The following TMC7 variants were observed in gnomAD, a reference collection of about 807,000 sequenced individuals.
TMC7 encodes the protein transmembrane channel-like protein 7.
TMC7 carries 54 observed loss-of-function variants against 82.9 expected under a neutral mutation model. That is an observed-to-expected ratio of 0.65 (90% CI 0.52 to 0.82). The LOEUF (loss-of-function observed/expected upper bound fraction) is 0.82. Among genes scored for constraint, TMC7 ranks in the 40% least tolerant of loss-of-function variants. The probability of loss-of-function intolerance (pLI) is 0.00; values close to 1 mark genes in which losing one functional copy is unlikely to be tolerated. For synonymous variants in TMC7, 350 were observed against 337.9 expected, an observed-to-expected ratio of 1.04 and a Z score of -0.39; for missense variants, 820 against 901.2, an observed-to-expected ratio of 0.91 and a Z score of 1.15.
intron 12 of TMC7, among the ~76,000 whole-genome samples, 198 bp downstream of exon 12, chr16:19,047,447 G>T (rs1336124481): frequency 1.3e-5 from 2 of 150,968 alleles, no homozygotes; most frequent in African/African-American, 4.9e-5. Flanking sequence ...ACCCAGGCTG[G>T]AGTGCAGTGG....
intron 11 of TMC7, among the ~76,000 whole-genome samples, chr16:19,046,482 TG>T: frequency 6.6e-6 from 1 of 152,188 alleles, no homozygotes; most frequent in Non-Finnish European, 1.5e-5. Flanking sequence ...ACTTAACCAC[TG>T]TTTACCCACA....
intron 3 of TMC7, among the ~76,000 whole-genome samples, chr16:19,018,524 C>T (rs1372848621): frequency 6.6e-6 from 1 of 152,152 alleles, no homozygotes; most frequent in African/African-American, 2.4e-5. Context: ...ACCTAATCAC[C>T]TCCCAAAGGC....
rs535505290 is a variant in TMC7 at position 19,023,442 on chromosome 16, T to A, written c.711+247T>A. On this transcript the variant is annotated intron_variant, in intron 5 of 15. Coordinates refer to ENST00000304381, the MANE Select transcript of TMC7 (RefSeq NM_024847.4). The stretch of plus-strand genomic sequence containing the variant: ...TTGGCCTTTTTCTAGTCCTTTCTTT[T>A]TATTTATTATTATTATTTTTTTGAG... 5.7e-4 allele frequency among the ~76,000 whole-genome samples: 87 copies of A among 152,256 alleles called. 1 individual carries two copies. In the South Asian group the frequency reaches 7.5e-3, roughly 13 times the overall value.
chr16:19,006,035 A>C (rs1596732582), intron 1 of TMC7, among the ~76,000 whole-genome samples: 1 of 152,108 alleles, frequency 6.6e-6, no homozygotes, highest in African/African-American at 2.4e-5. Flanking sequence ...ACCGGTCCCC[A>C]CCTGGCCCTG....
At chr16:19,046,952 GACTA>G in intron 11 of TMC7, 107 bp from the exon 12 acceptor site, 1 of 880,862 alleles carries the variant, frequency 1.1e-6, no homozygotes, top group South Asian at 1.9e-5. Context: ...TAAGACATTT[GACTA>G]ACCAGTGTCC....
chr16:19,061,202 G>C (rs1490975671), intron 15 of TMC7, among the ~76,000 whole-genome samples: 1 of 151,952 alleles, frequency 6.6e-6, no homozygotes, highest in African/African-American at 2.4e-5. Context: ...ACGGGGTTTC[G>C]GGGTTTCACC....
intron 1 of TMC7, among the ~76,000 whole-genome samples, chr16:18,990,083 C>A (rs2038923387): frequency 6.6e-6 from 1 of 151,882 alleles, no homozygotes; most frequent in South Asian, 2.1e-4. Flanking sequence ...GTGGATCTCA[C>A]AAAGTACATT....
chr16:19,002,234 CTTTT>C (rs558887362), intron 1 of TMC7, among the ~76,000 whole-genome samples: 2 of 127,106 alleles, frequency 1.6e-5, no homozygotes, highest in South Asian at 2.7e-4. Flanking sequence ...TGGAGGGCCG[CTTTT>C]TTTTTTTTTT....
At chr16:19,006,919 C>T (rs1421187852) in intron 1 of TMC7, among the ~76,000 whole-genome samples, 1 of 152,098 alleles carries the variant, frequency 6.6e-6, no homozygotes, top group Non-Finnish European at 1.5e-5. Flanking sequence ...CAGGTTCAAG[C>T]TATTCTTCTA....
chr16:18,998,247 C>T (rs930586694), intron 1 of TMC7, among the ~76,000 whole-genome samples: 4 of 152,174 alleles, frequency 2.6e-5, no homozygotes, highest in Non-Finnish European at 4.4e-5. Context: ...AGGTAGGAAC[C>T]GCTGTCTACA....
At chr16:19,039,409 G>A (rs1235952198) in intron 8 of TMC7, among the ~76,000 whole-genome samples, 7 of 151,908 alleles carry the variant, frequency 4.6e-5, no homozygotes, top group Non-Finnish European at 4.4e-5. Flanking sequence ...TCTTCTGTAT[G>A]GTACAAGATA....
chr16:18,995,749 C>T (rs2039033267), intron 1 of TMC7, among the ~76,000 whole-genome samples: 1 of 152,192 alleles, frequency 6.6e-6, no homozygotes, highest in Admixed American at 6.5e-5. Context: ...TGCATCTACT[C>T]TATTATTGTA....
rs539096232 is a variant in TMC7, at chr16:19,003,441, C to T, written c.68-5731C>T. On this transcript the variant is annotated intron_variant, in intron 1 of 15. Transcript: ENST00000304381. ...AGCCCCCCTGCCCGGCCAGCCGCCC[C>T]GTCCGGGAGGTGAGGGGCGCCTCTG... 9.7e-3 allele frequency among the ~76,000 whole-genome samples: 1,454 copies of T among 149,326 alleles called. 25 individuals carry two copies. The highest frequency in any genetic ancestry group is 0.034 in the African/African-American group (1,356 of 39,926).
chr16:19,012,788 C>CAAAAAA (rs139163132), intron 2 of TMC7, among the ~76,000 whole-genome samples: 48 of 66,636 alleles, frequency 7.2e-4, no homozygotes, highest in African/African-American at 3.1e-3. Flanking sequence ...GATTCCATCT[C>CAAAAAA]AAAAAAAAAA....
At position 19,047,229 on chromosome 16, in the gene TMC7, A is replaced by T; in HGVS notation, c.1720A>T (p.Ile574Phe). The change falls in exon 12 of 16, where the codon ATC (isoleucine) becomes TTC (phenylalanine). Residue 574 changes from isoleucine (I) to phenylalanine (F), a missense_variant. Coordinates refer to ENST00000304381, the MANE Select transcript of TMC7 (RefSeq NM_024847.4). Reference sequence around the variant, plus strand: ...TGCAATTGCAACCCTGAAATTCATTATCATCTTCTATGTGAAAGAGGTAAG... The same window carrying T: ...TGCAATTGCAACCCTGAAATTCATTTTCATCTTCTATGTGAAAGAGGTAAG... ...LPAIATLKFI[I>F]IFYVKEWSLL... 1 of 1,613,890 alleles carries T rather than the reference A, an allele frequency of 6.2e-7. No individual in the cohort carries two copies. Among genetic ancestry groups the T allele is most frequent in the South Asian group, 1.1e-5 (1 of 91,054 alleles).
rs533429744 is a variant in TMC7, at chr16:19,038,058, T to A, written c.1179+11T>A. The A allele has an allele frequency of 1.5e-5, 24 of 1,611,268 alleles. No homozygotes were observed. The South Asian group carries it at 2.5e-4, about 17-fold the overall frequency. On this transcript the variant is annotated intron_variant, in intron 8 of 15. Transcript: ENST00000304381. ...GAGCACATGAAAAAGGTAAATTAACTTGTACTCTGGCTGGACATTATGCCT... is the reference window on the plus strand; with the variant it reads ...GAGCACATGAAAAAGGTAAATTAACATGTACTCTGGCTGGACATTATGCCT...
At chr16:18,994,405 A>G (rs1322819966) in intron 1 of TMC7, among the ~76,000 whole-genome samples, 3 of 151,750 alleles carry the variant, frequency 2.0e-5, no homozygotes, top group African/African-American at 4.8e-5. Flanking sequence ...AATACTGACT[A>G]TCGTGCCACT....
chr16:18,984,481 G>GCCTTCAAATT (rs2038808339), intron 1 of TMC7: 1 of 1,084,768 alleles, frequency 9.2e-7, no homozygotes, highest in Non-Finnish European at 1.1e-6. Context: ...CTAACATTCT[G>GCCTTCAAATT]GTATGAGGTG....
chr16:19,030,268 T>C lies in TMC7; in HGVS notation c.756T>C (p.Ile252=). 1.2e-6 allele frequency: 2 copies of C among 1,613,534 alleles called. No homozygotes were observed. The highest frequency in any genetic ancestry group is 1.7e-6 in the Non-Finnish European group (2 of 1,179,906). The change falls in exon 6 of 16, where the codon ATT becomes ATC. Residue 252 remains isoleucine (I), a synonymous_variant. Transcript: ENST00000304381. The part of the protein sequence containing the change: ...ETSLFYGHYT[I]DGVKFQNFTY... ...GCCTCTTTTACGGACATTACACCATTGATGGGGTGAAATTTCAGAACTTCA... is the reference window on the plus strand; with the variant it reads ...GCCTCTTTTACGGACATTACACCATCGATGGGGTGAAATTTCAGAACTTCA...
Sources: allele counts gnomAD v4.1 joint callset (sites outside exome capture counted in the v4.1 genomes callset), GRCh38; gene constraint gnomAD v4.1.1; transcripts MANE v1.5; gene names NCBI Gene and HGNC (gene_info 2026-07-23, HGNC 2026-07-21).